CMSS1: variants seen among roughly 807,000 people sequenced by gnomAD.
CMSS1 encodes protein CMSS1.
In CMSS1, 33 loss-of-function variants were observed where a neutral mutation model predicts 43.5. That is an observed-to-expected ratio of 0.76 (90% CI 0.57 to 1.01). CMSS1 has a LOEUF of 1.01. CMSS1 is among the 50% of genes least tolerant of loss of function. The pLI, the probability that CMSS1 is intolerant of heterozygous loss-of-function variation, is 0.00. For synonymous variants in CMSS1, 115 were observed against 117.2 expected (o/e 0.98, Z 0.12); for missense variants, 313 against 326.4 (o/e 0.96, Z 0.32).
At chr3:100,121,153 T>C (rs1559764257) in intron 1 of CMSS1, among the ~76,000 whole-genome samples, 1 of 152,140 alleles carries the variant, frequency 6.6e-6, no homozygotes, top group Non-Finnish European at 1.5e-5. Flanking sequence ...TCTGTTTTGT[T>C]ACATAGGTAT....
In CMSS1 at chr3:100,161,726, G is replaced by A. The variant is rs9815961; in HGVS notation, c.226-577G>A. ...CAAATGAGTCCAAATCAAAATCGAT[G>A]TTGGAAAGTATTTCCTGTAATATTT... On this transcript the variant is annotated intron_variant, in intron 3 of 9. Transcript: ENST00000421999. Among the ~76,000 whole-genome samples, 1,391 of 152,264 alleles carry A rather than the reference G, an allele frequency of 9.1e-3. 20 individuals carry two copies. The highest frequency in any genetic ancestry group is 0.017 in the Middle Eastern group (5 of 294).
At chr3:99,935,287 G>A (rs1388257981) in intron 1 of CMSS1, among the ~76,000 whole-genome samples, 1 of 149,500 alleles carries the variant, frequency 6.7e-6, no homozygotes, top group African/African-American at 2.5e-5. Flanking sequence ...AAGGAAAGTT[G>A]CTTTTTGTGT....
chr3:100,175,620 G>A (rs1339822698), intron 8 of CMSS1, among the ~76,000 whole-genome samples: 1 of 152,164 alleles, frequency 6.6e-6, no homozygotes, highest in Non-Finnish European at 1.5e-5. Flanking sequence ...AAAAGCTGAG[G>A]GGAAGTGCCA....
chr3:100,113,867 A>G (rs2066530606), intron 1 of CMSS1, among the ~76,000 whole-genome samples: 1 of 152,156 alleles, frequency 6.6e-6, no homozygotes, highest in African/African-American at 2.4e-5. Flanking sequence ...CTATTTTGCA[A>G]GCAACTCTTA....
intron 1 of CMSS1, among the ~76,000 whole-genome samples, chr3:100,073,338 A>G (rs1576021669): frequency 6.6e-6 from 1 of 152,208 alleles, no homozygotes; most frequent in East Asian, 1.9e-4. Flanking sequence ...TGAAATATTT[A>G]CTATCAAGTC....
intron 1 of CMSS1, among the ~76,000 whole-genome samples, chr3:99,972,541 G>A (rs150122703): frequency 2.3e-3 from 349 of 152,250 alleles, no homozygotes; most frequent in African/African-American, 8.1e-3. Flanking sequence ...CTCTAGTGCT[G>A]TCTGCTGCTG....
At chr3:100,160,280 G>A (rs549912673) in intron 2 of CMSS1, 150 bp from the exon 3 acceptor site, 266 of 599,450 alleles carry the variant, frequency 4.4e-4, no homozygotes, top group Non-Finnish European at 6.8e-4. Flanking sequence ...AGTAACCTAC[G>A]GTAGATCTTC....
intron 1 of CMSS1, among the ~76,000 whole-genome samples, chr3:100,074,066 T>C (rs1315423285): frequency 2.6e-5 from 4 of 152,242 alleles, no homozygotes; most frequent in African/African-American, 7.2e-5. Context: ...GTGGGGGCCT[T>C]TTTTTTCCCT....
chr3:99,985,545 TG>T (rs1362480183), intron 1 of CMSS1, among the ~76,000 whole-genome samples: 3 of 152,150 alleles, frequency 2.0e-5, no homozygotes, highest in African/African-American at 7.2e-5. Context: ...AATTAAAGTC[TG>T]ATATTTCTCT....
chr3:99,829,932 T>A (rs1942618547), intron 1 of CMSS1, among the ~76,000 whole-genome samples: 1 of 152,226 alleles, frequency 6.6e-6, no homozygotes, highest in Non-Finnish European at 1.5e-5. Context: ...AATCATAGTT[T>A]TAGACCTTAA....
intron 1 of CMSS1, among the ~76,000 whole-genome samples, chr3:99,942,663 C>T (rs1038028753): frequency 6.6e-6 from 1 of 152,042 alleles, no homozygotes; most frequent in Non-Finnish European, 1.5e-5. Context: ...GAAACCCCGT[C>T]TCTACTAAAA....
intron 2 of CMSS1, among the ~76,000 whole-genome samples, chr3:100,155,752 T>C (rs2066966117): frequency 6.6e-6 from 1 of 152,252 alleles, no homozygotes; most frequent in Non-Finnish European, 1.5e-5. Context: ...TTACACTTGA[T>C]TGATACTTTG....
intron 1 of CMSS1, among the ~76,000 whole-genome samples, chr3:99,843,927 C>A (rs1943247392): frequency 1.3e-5 from 2 of 152,230 alleles, no homozygotes. Context: ...GCTGAGCACT[C>A]TTTATGAGAC....
intron 8 of CMSS1, among the ~76,000 whole-genome samples, chr3:100,173,027 G>A (rs184439922): frequency 6.6e-6 from 1 of 152,094 alleles, no homozygotes; most frequent in African/African-American, 2.4e-5. Context: ...AATTACTTAT[G>A]TATTATATAA....
intron 1 of CMSS1, among the ~76,000 whole-genome samples, chr3:100,045,475 G>A (rs1441836575): frequency 6.6e-6 from 1 of 151,940 alleles, no homozygotes; most frequent in Non-Finnish European, 1.5e-5. Context: ...GTGCTGCTGT[G>A]TTAGAATTTT....
intron 1 of CMSS1, among the ~76,000 whole-genome samples, chr3:100,026,432 C>T (rs2064923898): frequency 6.6e-6 from 1 of 152,018 alleles, no homozygotes; most frequent in Non-Finnish European, 1.5e-5. Flanking sequence ...AGTGTCTTGT[C>T]TCGATGGGGC....
At chr3:99,848,220 A>C in intron 1 of CMSS1, 1 of 1,575,440 alleles carries the variant, frequency 6.3e-7, no homozygotes, top group Non-Finnish European at 8.6e-7. Context: ...TGATTAAAAA[A>C]GGATTGAGTT....
intron 1 of CMSS1, among the ~76,000 whole-genome samples, chr3:99,961,397 A>G (rs1238614842): frequency 6.6e-6 from 1 of 152,140 alleles, no homozygotes; most frequent in African/African-American, 2.4e-5. Flanking sequence ...TCATCCCTTT[A>G]TGTATCTACA....
At chr3:99,947,053 A>C (rs1188080541) in intron 1 of CMSS1, among the ~76,000 whole-genome samples, 1 of 145,436 alleles carries the variant, frequency 6.9e-6, no homozygotes. Context: ...AGGGAGAATC[A>C]CTTGCAGCTG....
Sources: allele counts gnomAD v4.1 joint callset (sites outside exome capture counted in the v4.1 genomes callset), GRCh38; gene constraint gnomAD v4.1.1; transcripts MANE v1.5; gene names NCBI Gene and HGNC (gene_info 2026-07-23, HGNC 2026-07-21).